LRRC4C: variants seen among roughly 807,000 people sequenced by gnomAD.
The protein encoded by LRRC4C is leucine-rich repeat-containing protein 4C.
Under a neutral mutation model 33.6 loss-of-function variants are expected in LRRC4C, and 5 were observed. That is an observed-to-expected ratio of 0.15 (90% CI 0.08 to 0.31). The LOEUF (loss-of-function observed/expected upper bound fraction) is 0.31. LRRC4C is among the 10% of genes least tolerant of loss of function. The pLI is 1.00. For synonymous variants in LRRC4C, 329 were observed against 302.0 expected, an observed-to-expected ratio of 1.09 and a Z score of -0.93; for missense variants, 560 against 796.7, an observed-to-expected ratio of 0.70 and a Z score of 3.58.
At chr11:40,922,968 GCATA>G in intron 2 of LRRC4C, among the ~76,000 whole-genome samples, 1 of 152,126 alleles carries the variant, frequency 6.6e-6, no homozygotes, top group Non-Finnish European at 1.5e-5. Flanking sequence ...GGGACTGCAG[GCATA>G]CGCCACCACA....
intron 6 of LRRC4C, among the ~76,000 whole-genome samples, chr11:40,119,693 A>G (rs1379382435): frequency 6.6e-6 from 1 of 152,058 alleles, no homozygotes; most frequent in Non-Finnish European, 1.5e-5. Flanking sequence ...GTGTTTTCTG[A>G]TGTTCTAACA....
At chr11:40,492,531 G>A (rs1018027000) in intron 3 of LRRC4C, among the ~76,000 whole-genome samples, 5 of 151,402 alleles carry the variant, frequency 3.3e-5, no homozygotes, top group Non-Finnish European at 7.4e-5. Flanking sequence ...ACGTTATTAC[G>A]TATCTTTTAG....
At chr11:40,303,958 A>C (rs892802876) in intron 4 of LRRC4C, among the ~76,000 whole-genome samples, 5 of 152,244 alleles carry the variant, frequency 3.3e-5, no homozygotes, top group Non-Finnish European at 5.9e-5. Context: ...AAATGCTCCC[A>C]AAAGTTTCCA....
intron 5 of LRRC4C, among the ~76,000 whole-genome samples, chr11:40,215,854 C>T (rs1487355641): frequency 6.6e-6 from 1 of 152,036 alleles, no homozygotes; most frequent in Non-Finnish European, 1.5e-5. Flanking sequence ...GGCAAAAAGC[C>T]TAAGGAGAGA....
chr11:40,428,707 C>CTTAG (rs1193586835), intron 3 of LRRC4C, among the ~76,000 whole-genome samples: 1 of 152,194 alleles, frequency 6.6e-6, no homozygotes, highest in Non-Finnish European at 1.5e-5. Context: ...GAACAGCATT[C>CTTAG]CTCACTCTTA....
At chr11:41,419,847 G>A (rs185537732) in intron 1 of LRRC4C, among the ~76,000 whole-genome samples, 1 of 151,916 alleles carries the variant, frequency 6.6e-6, no homozygotes, top group East Asian at 1.9e-4. Context: ...TGATACTCAA[G>A]CTTCAGAGCC....
At chr11:40,328,868 A>T (rs976519358) in intron 3 of LRRC4C, among the ~76,000 whole-genome samples, 8 of 152,274 alleles carry the variant, frequency 5.3e-5, no homozygotes, top group Admixed American at 2.0e-4. Flanking sequence ...AGGTAACTGG[A>T]TAATAGCAGC....
intron 1 of LRRC4C, among the ~76,000 whole-genome samples, chr11:41,280,849 T>C (rs916508864): frequency 2.8e-4 from 42 of 151,930 alleles, no homozygotes; most frequent in African/African-American, 9.7e-4. Flanking sequence ...GTAAAGAAAA[T>C]GCAAACCAAA....
intron 2 of LRRC4C, among the ~76,000 whole-genome samples, chr11:40,848,745 G>A (rs539456835): frequency 3.9e-4 from 60 of 152,240 alleles, no homozygotes; most frequent in African/African-American, 1.4e-3. Flanking sequence ...ACAGTGGGGT[G>A]TTAAATTCTC....
chr11:40,797,737 T>C (rs1421292489), intron 2 of LRRC4C, among the ~76,000 whole-genome samples: 1 of 152,184 alleles, frequency 6.6e-6, no homozygotes, highest in Non-Finnish European at 1.5e-5. Context: ...TATTAACCTT[T>C]CCTGTAAATA....
At chr11:41,272,286 G>T (rs1302922180) in intron 1 of LRRC4C, among the ~76,000 whole-genome samples, 1 of 152,062 alleles carries the variant, frequency 6.6e-6, no homozygotes, top group Non-Finnish European at 1.5e-5. Flanking sequence ...CAGCCAGTTT[G>T]CTCAAAATAA....
chr11:40,334,325 C>T (rs964391994), intron 3 of LRRC4C, among the ~76,000 whole-genome samples: 1 of 147,472 alleles, frequency 6.8e-6, no homozygotes, highest in Admixed American at 6.7e-5. Flanking sequence ...AGAAGATACC[C>T]ACAAAAAAAA....
At chr11:40,553,551 G>A (rs1957212323) in intron 3 of LRRC4C, among the ~76,000 whole-genome samples, 1 of 152,008 alleles carries the variant, frequency 6.6e-6, no homozygotes, top group Non-Finnish European at 1.5e-5. Flanking sequence ...CTATCAAAGG[G>A]AATTCTGTGC....
intron 3 of LRRC4C, among the ~76,000 whole-genome samples, chr11:40,377,538 T>C (rs553826236): frequency 1.8e-4 from 28 of 152,190 alleles, no homozygotes; most frequent in African/African-American, 6.5e-4. Flanking sequence ...TTGGGGAAGG[T>C]GGAAAATGAG....
chr11:41,021,869 T>C (rs1295257894), intron 1 of LRRC4C, among the ~76,000 whole-genome samples: 3 of 151,998 alleles, frequency 2.0e-5, no homozygotes, highest in Non-Finnish European at 4.4e-5. Context: ...GTATACCACA[T>C]CATAAACATA....
rs182592314 is a variant in LRRC4C at position 40,212,541 on chromosome 11, T to A, written c.-96+28978A>T. On this transcript the variant is annotated intron_variant, in intron 5 of 6. Transcript: ENST00000528697. ...ACTAGGAATTATAAATGAAATGTTA[T>A]ATCTCTTCCAATATGTACAAAGAGT... Among the ~76,000 whole-genome samples the A allele has an allele frequency of 2.0e-4, 30 of 152,132 alleles. No individual in the cohort carries two copies. In the East Asian group the frequency reaches 5.8e-3, roughly 29 times the overall value.
At chr11:40,407,152 G>A (rs1286592106) in intron 3 of LRRC4C, among the ~76,000 whole-genome samples, 1 of 152,044 alleles carries the variant, frequency 6.6e-6, no homozygotes, top group Non-Finnish European at 1.5e-5. Context: ...CATTTTCATA[G>A]GATCGGTTGG....
intron 1 of LRRC4C, among the ~76,000 whole-genome samples, chr11:41,047,739 C>G (rs1857879670): frequency 6.6e-6 from 1 of 152,130 alleles, no homozygotes; most frequent in Non-Finnish European, 1.5e-5. Context: ...TAATTAAATT[C>G]AATCCTCATC....
chr11:40,296,857 A>G (rs1228355162), intron 4 of LRRC4C, among the ~76,000 whole-genome samples: 1 of 152,176 alleles, frequency 6.6e-6, no homozygotes, highest in Admixed American at 6.5e-5. Context: ...CACCCTTCCC[A>G]TTAGCCCATC....
Sources: allele counts gnomAD v4.1 joint callset (sites outside exome capture counted in the v4.1 genomes callset), GRCh38; gene constraint gnomAD v4.1.1; transcripts MANE v1.5; gene names NCBI Gene and HGNC (gene_info 2026-07-23, HGNC 2026-07-21).